Variants in ISM1 observed in about 807,000 individuals in gnomAD.
ISM1 encodes isthmin-1.
A neutral mutation model predicts 46.3 loss-of-function variants in ISM1; 25 were observed. That is an observed-to-expected ratio of 0.54 (90% CI 0.39 to 0.75). The LOEUF is 0.75. Among genes scored for constraint, ISM1 ranks in the 30% least tolerant of loss-of-function variants. ISM1 has a pLI of 0.00. For synonymous variants in ISM1, 255 were observed against 256.7 expected (o/e 0.99, Z 0.06); for missense variants, 536 against 625.4 (o/e 0.86, Z 1.52).
intron 1 of ISM1, among the ~76,000 whole-genome samples, chr20:13,254,460 C>T (rs2039904162): frequency 6.6e-6 from 1 of 152,048 alleles, no homozygotes; most frequent in African/African-American, 2.4e-5. Flanking sequence ...AAATACCTGC[C>T]CCCCGCATCT....
At chr20:13,288,957 G>A (rs984763394) in intron 4 of ISM1, among the ~76,000 whole-genome samples, 20 of 152,026 alleles carry the variant, frequency 1.3e-4, no homozygotes, top group Non-Finnish European at 8.8e-5. Context: ...GCTAATTTTT[G>A]TAGTTTTTTA....
chr20:13,317,773 C>A, the ISM1 span, among the ~76,000 whole-genome samples: 3 of 152,108 alleles, frequency 2.0e-5, no homozygotes, highest in South Asian at 6.2e-4. Flanking sequence ...GACTTTATAC[C>A]CTTCACAAAA....
In ISM1 at chr20:13,261,425, CAAAAAAA is replaced by C. The variant is rs61066966; in HGVS notation, c.139-9071_139-9065del. ...AAGAGGGAAGAGTGAAACTCTGTCT[CAAAAAAA>C]AAAAAAAGAAAAAAGAAGCTCAAAG... On this transcript the variant is annotated intron_variant, in intron 1 of 5. Coordinates refer to ENST00000262487, the MANE Select transcript of ISM1 (RefSeq NM_080826.2). Among the ~76,000 whole-genome samples the C allele has an allele frequency of 2.7e-4, 28 of 105,280 alleles. No individual in the cohort carries two copies. The South Asian group carries it at 3.9e-3, about 15-fold the overall frequency. 69.1% of individuals were successfully genotyped at this position (105,280 alleles called of 152,430 possible).
chr20:13,315,297 A>T, the ISM1 span, among the ~76,000 whole-genome samples: 3 of 152,042 alleles, frequency 2.0e-5, no homozygotes, highest in Admixed American at 2.0e-4. Flanking sequence ...TGCTGTCTAC[A>T]AGGAATCCAC....
intron 1 of ISM1, among the ~76,000 whole-genome samples, chr20:13,233,582 C>T (rs111300644): frequency 0.021 from 2,907 of 136,558 alleles, 43 homozygotes; most frequent in African/African-American, 0.023. Context: ...GCAACAAGAG[C>T]GAAACTCCAT....
At chr20:13,295,977 G>T (rs993699832) in intron 5 of ISM1, among the ~76,000 whole-genome samples, 21 of 152,346 alleles carry the variant, frequency 1.4e-4, no homozygotes, top group Admixed American at 1.3e-4. Flanking sequence ...GGAGCAACCT[G>T]GTGTCACGTG....
chr20:13,299,644 C>T lies in ISM1; in HGVS notation c.*185C>T, dbSNP rs1023088471. On this transcript the variant is annotated 3_prime_UTR_variant, in exon 6 of 6. Coordinates refer to ENST00000262487, the MANE Select transcript of ISM1 (RefSeq NM_080826.2). The surrounding 1 kb of genome is among the most constrained non-coding windows in gnomAD (Gnocchi z 5.8). ...CGCCCAGGGGACTGCCTTGTGAAGC[C>T]GCCCTCGCCATCTGCAGAGCTCCTT... The T allele has an allele frequency of 1.3e-4, 75 of 579,536 alleles. 1 individual carries two copies. The Middle Eastern group carries it at 1.4e-3, about 11-fold the overall frequency. 35.9% of individuals were successfully genotyped at this position (579,536 alleles called of 1,614,324 possible). A position where few individuals can be genotyped will look rare whatever the true frequency, so the allele number is the denominator to read the frequency against.
intron 1 of ISM1, among the ~76,000 whole-genome samples, chr20:13,264,147 A>G (rs1347764592): frequency 1.3e-5 from 2 of 152,134 alleles, no homozygotes; most frequent in East Asian, 3.9e-4. Context: ...GGGAAGGAGG[A>G]GGGAGTTTGG....
chr20:13,240,551 G>T (rs1327878417), intron 1 of ISM1, among the ~76,000 whole-genome samples: 2 of 152,326 alleles, frequency 1.3e-5, no homozygotes, highest in Non-Finnish European at 2.9e-5. Context: ...GTGTAAGGAA[G>T]AAAGTGGCAC....
chr20:13,236,317 A>G (rs1358674075), intron 1 of ISM1, among the ~76,000 whole-genome samples: 1 of 152,122 alleles, frequency 6.6e-6, no homozygotes, highest in Non-Finnish European at 1.5e-5. Flanking sequence ...CACCTTTCCA[A>G]CTAATGCTGG....
At chr20:13,234,546 G>A (rs1342897456) in intron 1 of ISM1, among the ~76,000 whole-genome samples, 2 of 152,154 alleles carry the variant, frequency 1.3e-5, no homozygotes, top group Non-Finnish European at 2.9e-5. Flanking sequence ...TTCTATAAAG[G>A]TTGTGCTTAT....
At chr20:13,294,768 T>C (rs1486532927) in intron 5 of ISM1, among the ~76,000 whole-genome samples, 1 of 152,214 alleles carries the variant, frequency 6.6e-6, no homozygotes, top group Non-Finnish European at 1.5e-5. Context: ...CTCGACACTC[T>C]TGGGTGCACC....
chr20:13,260,400 A>G (rs8125059), intron 1 of ISM1, among the ~76,000 whole-genome samples: 3,787 of 152,308 alleles, frequency 0.025, 181 homozygotes, highest in African/African-American at 0.085. Context: ...CCTGTCAGTG[A>G]AGAAAGTCGT....
chr20:13,223,204 T>TA (rs1288785276), intron 1 of ISM1, among the ~76,000 whole-genome samples: 2 of 151,194 alleles, frequency 1.3e-5, no homozygotes, highest in African/African-American at 4.9e-5. Context: ...AATAAATAAA[T>TA]AAATAAAATG....
chr20:13,287,159 A>C (rs778361615), intron 3 of ISM1, among the ~76,000 whole-genome samples: 1 of 152,216 alleles, frequency 6.6e-6, no homozygotes, highest in Non-Finnish European at 1.5e-5. Context: ...GACATACCCG[A>C]GACTGGGTAA....
chr20:13,273,729 C>T (rs2123262305), intron 2 of ISM1, among the ~76,000 whole-genome samples: 1 of 152,304 alleles, frequency 6.6e-6, no homozygotes, highest in Middle Eastern at 3.4e-3. Context: ...ATTAATGCGG[C>T]TCCAGCCTAG....
At chr20:13,246,799 A>G (rs2039799471) in intron 1 of ISM1, among the ~76,000 whole-genome samples, 1 of 152,220 alleles carries the variant, frequency 6.6e-6, no homozygotes, top group African/African-American at 2.4e-5. Context: ...TTTTCAATGT[A>G]AAACCACCTG....
At chr20:13,318,785 C>T in the ISM1 span, among the ~76,000 whole-genome samples, 1 of 152,140 alleles carries the variant, frequency 6.6e-6, no homozygotes, top group Non-Finnish European at 1.5e-5. Context: ...AAGAGGCTAC[C>T]TACACTATGA....
intron 3 of ISM1, among the ~76,000 whole-genome samples, chr20:13,281,749 G>A (rs550801143): frequency 6.6e-6 from 1 of 152,332 alleles, no homozygotes; most frequent in South Asian, 2.1e-4. Flanking sequence ...CTGAGTGAGA[G>A]AAGCACAGAG....
Sources: gnomAD v4.1 joint callset for allele counts (sites outside exome capture counted in the v4.1 genomes callset) on GRCh38, gnomAD v4.1.1 for gene constraint, Gnocchi (gnomAD v3.1) non-coding constraint, MANE v1.5 for transcripts, NCBI Gene and HGNC (gene_info 2026-07-23, HGNC 2026-07-21) for gene names.